The following EDIL3 variants were observed in gnomAD, a reference collection of about 807,000 sequenced individuals.
EDIL3 encodes the protein EGF like and discoidin domains 3.
In EDIL3, 37 loss-of-function variants were observed where a neutral mutation model predicts 67.4. The observed-to-expected ratio is 0.55, with a 90% CI of 0.42 to 0.72. The LOEUF is 0.72. Ranked by LOEUF, EDIL3 falls within the 30% of genes least tolerant of loss-of-function variation. EDIL3 has a pLI of 0.00. For synonymous variants in EDIL3, 195 were observed against 196.3 expected (o/e 0.99, Z 0.05); for missense variants, 527 against 586.3 (o/e 0.90, Z 1.04).
chr5:84,124,206 A>G (rs1747824246), intron 5 of EDIL3, among the ~76,000 whole-genome samples: 1 of 151,958 alleles, frequency 6.6e-6, no homozygotes, highest in African/African-American at 2.4e-5. Context: ...TTTTACCGAC[A>G]AATTTTAGAT....
At chr5:84,302,532 G>A (rs942931365) in intron 1 of EDIL3, among the ~76,000 whole-genome samples, 2 of 152,104 alleles carry the variant, frequency 1.3e-5, no homozygotes, top group Non-Finnish European at 2.9e-5. Context: ...TCCTGACCTC[G>A]TGATCCGCCT....
At chr5:84,043,189 G>A (rs918453925) in intron 9 of EDIL3, among the ~76,000 whole-genome samples, 1 of 152,164 alleles carries the variant, frequency 6.6e-6, no homozygotes, top group Non-Finnish European at 1.5e-5. Context: ...ACTTCTTTGA[G>A]GAACTGTTTC....
At chr5:84,291,660 CTATATATATATCTATCTA>C (rs955673202) in intron 1 of EDIL3, among the ~76,000 whole-genome samples, 8 of 141,006 alleles carry the variant, frequency 5.7e-5, no homozygotes, top group East Asian at 2.0e-4. Flanking sequence ...ATCTATATAT[CTATATATATATCTATCTA>C]TATAGATATA....
At chr5:84,241,127 C>A (rs1002969490) in intron 2 of EDIL3, among the ~76,000 whole-genome samples, 3 of 152,158 alleles carry the variant, frequency 2.0e-5, no homozygotes, top group African/African-American at 7.2e-5. Flanking sequence ...TAATTATTTT[C>A]TGCATTGTAT....
At chr5:84,299,124 G>C (rs1746105214) in intron 1 of EDIL3, among the ~76,000 whole-genome samples, 1 of 152,154 alleles carries the variant, frequency 6.6e-6, no homozygotes, top group Non-Finnish European at 1.5e-5. Flanking sequence ...GTGTAGGTAA[G>C]AGAGGACTAC....
Position 84,384,298 on chromosome 5 carries a change from G to A in EDIL3, c.67+10C>T. 2 of 1,606,630 alleles carry A rather than the reference G, an allele frequency of 1.2e-6. No homozygotes were observed. Among genetic ancestry groups the A allele is most frequent in the Non-Finnish European group, 1.7e-6 (2 of 1,176,550 alleles). On this transcript the variant is annotated intron_variant, in intron 1 of 10. Transcript: ENST00000296591. The stretch of plus-strand genomic sequence containing the variant: ...TCCCTCACCCAGCTGTCCGGGTCCC[G>A]ACGCCTTACCTTTGCCGAACTGGGG...
chr5:84,116,024 A>G (rs1368991870), intron 5 of EDIL3, among the ~76,000 whole-genome samples: 2 of 152,208 alleles, frequency 1.3e-5, no homozygotes, highest in East Asian at 1.9e-4. Context: ...TTATAAAGCA[A>G]TATTACTGCC....
intron 4 of EDIL3, among the ~76,000 whole-genome samples, chr5:84,148,377 A>G (rs1748325120): frequency 6.6e-6 from 1 of 152,192 alleles, no homozygotes; most frequent in Non-Finnish European, 1.5e-5. Flanking sequence ...TATCCAAAAA[A>G]TTGCAAAGCA....
chr5:83,973,207 C>G (rs1362535681), intron 9 of EDIL3, among the ~76,000 whole-genome samples: 1 of 151,932 alleles, frequency 6.6e-6, no homozygotes, highest in Non-Finnish European at 1.5e-5. Flanking sequence ...TGACTTATTA[C>G]ATGAATAAAA....
In EDIL3 at chr5:83,941,245, G is replaced by A. The variant is rs1014174221; in HGVS notation, c.*2174C>T. The A allele has an allele frequency of 3.2e-4, 49 of 151,974 alleles. No homozygotes were observed. Among genetic ancestry groups the A allele is most frequent in the Admixed American group, 2.9e-3 (44 of 15,224 alleles). 9.4% of individuals were successfully genotyped at this position (151,974 alleles called of 1,614,324 possible). On this transcript the variant is annotated 3_prime_UTR_variant, in exon 11 of 11. Transcript: ENST00000296591. ...TATCCCGTTGGACATGATGTATTGC[G>A]AAGAGCATATAAAGCAGAGGGAAAA...
chr5:84,095,144 G>C (rs368329724), intron 6 of EDIL3, among the ~76,000 whole-genome samples: 59 of 152,120 alleles, frequency 3.9e-4, no homozygotes, highest in African/African-American at 1.3e-3. Flanking sequence ...ACAAACCTAA[G>C]ATTTATAAGG....
At chr5:84,049,052 G>T (rs1746282931) in intron 9 of EDIL3, among the ~76,000 whole-genome samples, 1 of 152,106 alleles carries the variant, frequency 6.6e-6, no homozygotes. Context: ...AACTGCTTTA[G>T]TAAAAATACA....
intron 1 of EDIL3, among the ~76,000 whole-genome samples, chr5:84,360,162 A>G (rs1747567073): frequency 6.6e-6 from 1 of 152,122 alleles, no homozygotes; most frequent in African/African-American, 2.4e-5. Context: ...GGAGAGTTGA[A>G]GATTTGAAGG....
chr5:84,380,055 T>A (rs961572005), intron 1 of EDIL3, among the ~76,000 whole-genome samples: 11 of 152,030 alleles, frequency 7.2e-5, no homozygotes, highest in African/African-American at 2.7e-4. Flanking sequence ...TAAGTATTTA[T>A]AGTACTTAAA....
At position 83,963,329 on chromosome 5, in the gene EDIL3, C is replaced by A. The variant is rs1744637215; in HGVS notation, c.1169G>T (p.Gly390Val). ...ATCTTTAGCTCCTTGTGTAATGATG[C>A]CAGTCACTTTGGTTGGAACAAGAAG... The part of the protein sequence containing the change: ...VDLLVPTKVT[G>V]IITQGAKDFG... Residue 390 changes from glycine (G) to valine (V), a missense_variant, in exon 10 of 11, where the codon GGC becomes GTC. Physicochemically the swap from Gly to Val is moderately radical, Grantham distance 109. Around this residue, in one of 2 missense-constraint regions of EDIL3, gnomAD observed 494 missense variants for 522.5 expected, o/e 0.95. Transcript: ENST00000296591. The A allele has an allele frequency of 6.2e-7, 1 of 1,607,290 alleles. No individual in the cohort carries two copies. The highest frequency in any genetic ancestry group is 1.3e-5 in the African/African-American group (1 of 74,440).
At position 84,017,600 on chromosome 5, in the gene EDIL3, C is replaced by T. The variant is rs548087460; in HGVS notation, c.1137+42700G>A. On this transcript the variant is annotated intron_variant, in intron 9 of 10. Coordinates refer to ENST00000296591, the MANE Select transcript of EDIL3 (RefSeq NM_005711.5). Reference sequence around the variant, plus strand: ...GCACATTATCAGTTTTTAAAAGCTACATTTTAAAAATAAATGTATAATAAC... The same window carrying T: ...GCACATTATCAGTTTTTAAAAGCTATATTTTAAAAATAAATGTATAATAAC... 5.1e-4 allele frequency among the ~76,000 whole-genome samples: 78 copies of T among 152,174 alleles called. No individual in the cohort carries two copies. The South Asian group carries it at 5.6e-3, about 11-fold the overall frequency.
intron 3 of EDIL3, among the ~76,000 whole-genome samples, chr5:84,203,898 A>G (rs569879415): frequency 1.3e-5 from 2 of 152,344 alleles, no homozygotes; most frequent in South Asian, 4.1e-4. Flanking sequence ...CATTTTTTAA[A>G]AAAATACTTG....
chr5:84,350,985 T>C (rs1344030705), intron 1 of EDIL3, among the ~76,000 whole-genome samples: 10 of 152,166 alleles, frequency 6.6e-5, no homozygotes, highest in Non-Finnish European at 1.5e-5. Context: ...GTGTGTATTT[T>C]ACACTCATGG....
chr5:84,034,256 C>T (rs958246448), intron 9 of EDIL3, among the ~76,000 whole-genome samples: 1 of 152,202 alleles, frequency 6.6e-6, no homozygotes, highest in African/African-American at 2.4e-5. Flanking sequence ...AAATTAGATG[C>T]AATCATTTCA....
Sources: gnomAD v4.1 joint callset for allele counts (sites outside exome capture counted in the v4.1 genomes callset) on GRCh38, gnomAD v4.1.1 for gene constraint, gnomAD v4.1.1 regional missense constraint, MANE v1.5 for transcripts, NCBI Gene and HGNC (gene_info 2026-07-23, HGNC 2026-07-21) for gene names.